DLGAP2: variants seen among roughly 807,000 people sequenced by gnomAD.
The protein encoded by DLGAP2 is disks large-associated protein 2.
A neutral mutation model predicts 100.3 loss-of-function variants in DLGAP2; 26 were observed. The observed-to-expected ratio is 0.26, with a 90% CI of 0.19 to 0.36. The LOEUF is 0.36. Ranked by LOEUF, DLGAP2 falls within the 10% of genes least tolerant of loss-of-function variation. The pLI is 1.00. For synonymous variants in DLGAP2, 886 were observed against 630.1 expected (o/e 1.41, Z -6.08); for missense variants, 1,858 against 1,453.2 (o/e 1.28, Z -4.53).
intron 3 of DLGAP2, among the ~76,000 whole-genome samples, chr8:1,267,586 A>ATAAG (rs1563051934): frequency 0.012 from 596 of 48,388 alleles, 20 homozygotes; most frequent in Middle Eastern, 0.06. Flanking sequence ...AATAAAATAA[A>ATAAG]ATAAGATAAG....
At chr8:1,099,971 C>T (rs1447206648) in intron 2 of DLGAP2, among the ~76,000 whole-genome samples, 1 of 152,234 alleles carries the variant, frequency 6.6e-6, no homozygotes, top group South Asian at 2.1e-4. Flanking sequence ...CCGAAGTCAA[C>T]TGAGATCTGA....
At chr8:771,864 G>C (rs1271866520) in intron 1 of DLGAP2, among the ~76,000 whole-genome samples, 2 of 152,190 alleles carry the variant, frequency 1.3e-5, no homozygotes, top group African/African-American at 4.8e-5. Flanking sequence ...AACTGATTGT[G>C]TCTGGTGGGG....
At chr8:1,326,754 C>T (rs1230970157) in intron 3 of DLGAP2, among the ~76,000 whole-genome samples, 1 of 152,204 alleles carries the variant, frequency 6.6e-6, no homozygotes, top group Non-Finnish European at 1.5e-5. Context: ...CCTGTTTTTC[C>T]AACTGGAGAG....
intron 1 of DLGAP2, among the ~76,000 whole-genome samples, chr8:839,177 G>A (rs911485118): frequency 1.3e-5 from 2 of 152,164 alleles, no homozygotes; most frequent in South Asian, 4.1e-4. Flanking sequence ...CAGTATGCAG[G>A]TTCCTAAAAA....
At chr8:1,324,086 C>T (rs1040312099) in intron 3 of DLGAP2, among the ~76,000 whole-genome samples, 3 of 152,148 alleles carry the variant, frequency 2.0e-5, no homozygotes, top group African/African-American at 7.2e-5. Context: ...GTCTCTAGGG[C>T]CTCTGGCTTA....
chr8:1,367,908 C>G (rs992121400), intron 3 of DLGAP2, among the ~76,000 whole-genome samples: 2 of 152,174 alleles, frequency 1.3e-5, no homozygotes, highest in Non-Finnish European at 2.9e-5. Context: ...GTCAGATACC[C>G]GAACAAGCTC....
chr8:1,297,752 G>A (rs56277230), intron 3 of DLGAP2, among the ~76,000 whole-genome samples: 2 of 108,388 alleles, frequency 1.8e-5, no homozygotes, highest in African/African-American at 3.9e-5. Context: ...CATGTGAGAC[G>A]GAGGAGAAAC....
intron 3 of DLGAP2, among the ~76,000 whole-genome samples, chr8:1,328,643 A>G (rs10099725): frequency 0.82 from 124,386 of 152,124 alleles, 51,412 homozygotes; most frequent in African/African-American, 0.93. Context: ...AAGCCACTGC[A>G]CCTGGCCTTA....
At chr8:1,321,880 T>C (rs1800909771) in intron 3 of DLGAP2, among the ~76,000 whole-genome samples, 1 of 152,196 alleles carries the variant, frequency 6.6e-6, no homozygotes, top group Non-Finnish European at 1.5e-5. Flanking sequence ...GGAATTAATA[T>C]TCTCAGACCC....
rs562569096 is a variant in DLGAP2, at chr8:1,512,067, G to A, written c.172+10636G>A. On this transcript the variant is annotated intron_variant, in intron 4 of 14. Coordinates refer to ENST00000637795, the MANE Select transcript of DLGAP2 (RefSeq NM_001346810.2). ...CCTGAGAACGGTGTTCCTCAGCCCT[G>A]TGACGCATCAGCCCAGGTAGGCAGG... Among the ~76,000 whole-genome samples, 74 of 152,336 alleles carry A rather than the reference G, an allele frequency of 4.9e-4. No homozygotes were observed. The South Asian group carries it at 0.014, about 30-fold the overall frequency.
chr8:864,783 C>T (rs1480358341), intron 1 of DLGAP2, among the ~76,000 whole-genome samples: 1 of 152,080 alleles, frequency 6.6e-6, no homozygotes, highest in Middle Eastern at 3.2e-3. Flanking sequence ...CCTGCGTTAA[C>T]ACTGAGAATT....
chr8:1,024,936 G>C (rs1157350371), intron 2 of DLGAP2, among the ~76,000 whole-genome samples: 1 of 152,198 alleles, frequency 6.6e-6, no homozygotes, highest in East Asian at 1.9e-4. Flanking sequence ...TGGAATGACG[G>C]ACAGAGGTGT....
At chr8:1,131,102 T>C (rs551348940) in intron 2 of DLGAP2, among the ~76,000 whole-genome samples, 3 of 152,328 alleles carry the variant, frequency 2.0e-5, no homozygotes, top group East Asian at 1.9e-4. Flanking sequence ...TTGGGAAATA[T>C]AAAATGCACT....
intron 10 of DLGAP2, among the ~76,000 whole-genome samples, chr8:1,674,483 G>A (rs535724846): frequency 5.3e-5 from 8 of 152,120 alleles, no homozygotes; most frequent in Non-Finnish European, 4.4e-5. Context: ...CTCACACACT[G>A]GTCAGAATTT....
At chr8:786,324 C>A (rs962156089) in intron 1 of DLGAP2, among the ~76,000 whole-genome samples, 6 of 152,124 alleles carry the variant, frequency 3.9e-5, no homozygotes, top group Non-Finnish European at 8.8e-5. Context: ...AGCCATGGTC[C>A]GGGCTCCCAC....
chr8:1,164,210 GCCCGTCAT>G, intron 2 of DLGAP2, among the ~76,000 whole-genome samples: 3 of 144,502 alleles, frequency 2.1e-5, no homozygotes, highest in Non-Finnish European at 3.0e-5. Context: ...AGCCCCCAGG[GCCCGTCAT>G]TTTGGTTTGT....
chr8:1,272,214 A>C (rs1799598118), intron 3 of DLGAP2, among the ~76,000 whole-genome samples: 1 of 152,212 alleles, frequency 6.6e-6, no homozygotes. Flanking sequence ...TTTTAGGTAA[A>C]ATGTAGGACA....
At chr8:1,677,593 A>G (rs947427871) in intron 11 of DLGAP2, among the ~76,000 whole-genome samples, 1 of 152,162 alleles carries the variant, frequency 6.6e-6, no homozygotes, top group Non-Finnish European at 1.5e-5. Flanking sequence ...CAGTGTTCTC[A>G]CCCAGCATAC....
At chr8:1,085,759 G>A (rs1189430190) in intron 2 of DLGAP2, among the ~76,000 whole-genome samples, 2 of 152,124 alleles carry the variant, frequency 1.3e-5, no homozygotes, top group Admixed American at 6.5e-5. Context: ...GAGGTTTTTT[G>A]TGGTTCCATA....
Sources: gnomAD v4.1 joint callset for allele counts (sites outside exome capture counted in the v4.1 genomes callset) on GRCh38, gnomAD v4.1.1 for gene constraint, MANE v1.5 for transcripts, NCBI Gene and HGNC (gene_info 2026-07-23, HGNC 2026-07-21) for gene names.